CMIP: variants seen among roughly 807,000 people sequenced by gnomAD.
The protein encoded by CMIP is c-Maf inducing protein.
In CMIP, 13 loss-of-function variants were observed where a neutral mutation model predicts 97.3. That is an observed-to-expected ratio of 0.13 (90% CI 0.09 to 0.21). The LOEUF is 0.21. CMIP is among the 10% of genes least tolerant of loss of function. The pLI is 1.00. For missense variants in CMIP, 847 were observed against 1,024.9 expected (o/e 0.83, Z 2.37); for synonymous variants, 538 against 436.3 (o/e 1.23, Z -2.91).
intron 1 of CMIP, among the ~76,000 whole-genome samples, chr16:81,477,302 A>G (rs1907985739): frequency 6.6e-6 from 1 of 151,996 alleles, no homozygotes; most frequent in Admixed American, 6.6e-5. Flanking sequence ...TTACAAGCTT[A>G]CACCACCACA....
chr16:81,567,402 C>A (rs2091001880), intron 1 of CMIP, among the ~76,000 whole-genome samples: 2 of 152,234 alleles, frequency 1.3e-5, no homozygotes, highest in South Asian at 2.1e-4. Flanking sequence ...CTGGCCACAT[C>A]CTCACCTTCC....
intron 4 of CMIP, among the ~76,000 whole-genome samples, chr16:81,654,625 C>G (rs139134518): frequency 7.2e-4 from 110 of 152,338 alleles, no homozygotes; most frequent in African/African-American, 2.4e-3. Flanking sequence ...CTCATGCATG[C>G]TCTGCAGTGG....
Position 81,699,674 on chromosome 16 carries a change from T to C in CMIP, c.1639-11T>C. ...TCTCTGTCCCTTCACCTGGGCCTTC[T>C]TGCCTCACAGGTGCACATCCTCATG... On this transcript the variant is annotated splice_polypyrimidine_tract_variant and intron_variant, in intron 14 of 20. Transcript: ENST00000537098. 9.5e-6 allele frequency: 15 copies of C among 1,586,066 alleles called. No individual in the cohort carries two copies. The highest frequency in any genetic ancestry group is 1.3e-5 in the Non-Finnish European group (15 of 1,155,792).
At chr16:81,568,873 A>G (rs1345400495) in intron 1 of CMIP, among the ~76,000 whole-genome samples, 2 of 152,230 alleles carry the variant, frequency 1.3e-5, no homozygotes, top group Middle Eastern at 3.2e-3. Flanking sequence ...TTGAAGGGTT[A>G]AATGACCTTA....
intron 1 of CMIP, among the ~76,000 whole-genome samples, chr16:81,590,335 T>C (rs941350995): frequency 2.0e-5 from 3 of 152,212 alleles, no homozygotes; most frequent in African/African-American, 7.2e-5. Context: ...TCCCCAGCTT[T>C]CTTGACACTG....
chr16:81,598,605 C>T (rs1269615574), intron 1 of CMIP, among the ~76,000 whole-genome samples: 1 of 152,168 alleles, frequency 6.6e-6, no homozygotes, highest in East Asian at 1.9e-4. Flanking sequence ...CTCAAAGCCT[C>T]ATTACTTTTA....
At chr16:81,584,656 A>G (rs911328769) in intron 1 of CMIP, among the ~76,000 whole-genome samples, 1 of 152,164 alleles carries the variant, frequency 6.6e-6, no homozygotes, top group Non-Finnish European at 1.5e-5. Context: ...AGGAAGACTG[A>G]AGCTCATGGA....
At chr16:81,562,840 A>G (rs2090910199) in intron 1 of CMIP, among the ~76,000 whole-genome samples, 1 of 152,322 alleles carries the variant, frequency 6.6e-6, no homozygotes, top group South Asian at 2.1e-4. Flanking sequence ...TTACTTGCTC[A>G]AAGTCACACA....
intron 1 of CMIP, among the ~76,000 whole-genome samples, chr16:81,591,944 C>T (rs1168586251): frequency 6.6e-6 from 1 of 151,784 alleles, no homozygotes; most frequent in Non-Finnish European, 1.5e-5. Flanking sequence ...CTGCCTCAGC[C>T]TCCCAGGTAG....
At chr16:81,692,540 A>G (rs1353548303) in intron 11 of CMIP, among the ~76,000 whole-genome samples, 2 of 152,214 alleles carry the variant, frequency 1.3e-5, no homozygotes, top group Non-Finnish European at 2.9e-5. Flanking sequence ...GAAGGAGCCG[A>G]TTACCAAGCG....
At chr16:81,449,599 C>G (rs1056008762) in intron 1 of CMIP, among the ~76,000 whole-genome samples, 35 of 152,116 alleles carry the variant, frequency 2.3e-4, no homozygotes, top group Non-Finnish European at 2.6e-4. Context: ...TACATACCCC[C>G]CTTCCCCCCA....
At chr16:81,483,030 G>A (rs2089253170) in intron 1 of CMIP, among the ~76,000 whole-genome samples, 1 of 152,224 alleles carries the variant, frequency 6.6e-6, no homozygotes, top group Non-Finnish European at 1.5e-5. Flanking sequence ...CTGGAGGAGA[G>A]GAAAATGAAC....
chr16:81,531,640 A>AGCCTGGCAGTTCATAGGAACT (rs2090238083), intron 1 of CMIP, among the ~76,000 whole-genome samples: 1 of 152,226 alleles, frequency 6.6e-6, no homozygotes, highest in Non-Finnish European at 1.5e-5. Flanking sequence ...TCGAGGGGCA[A>AGCCTGGCAGTTCATAGGAACT]GCCTGGGCCT....
chr16:81,564,781 T>C (rs2090949735), intron 1 of CMIP, among the ~76,000 whole-genome samples: 1 of 152,180 alleles, frequency 6.6e-6, no homozygotes. Context: ...CAATAGGTGT[T>C]CGATGAATAT....
chr16:81,672,406 A>G (rs1197705492), intron 9 of CMIP, among the ~76,000 whole-genome samples: 1 of 152,144 alleles, frequency 6.6e-6, no homozygotes, highest in Non-Finnish European at 1.5e-5. Context: ...GCACATGGGT[A>G]TGCAAATGCA....
At chr16:81,457,645 A>T (rs773942408) in intron 1 of CMIP, among the ~76,000 whole-genome samples, 1 of 152,218 alleles carries the variant, frequency 6.6e-6, no homozygotes, top group African/African-American at 2.4e-5. Context: ...TGCTGTGTTC[A>T]TTCATTTAAT....
chr16:81,511,743 G>A (rs2089814244), intron 1 of CMIP, among the ~76,000 whole-genome samples: 1 of 152,054 alleles, frequency 6.6e-6, no homozygotes, highest in African/African-American at 2.4e-5. Context: ...TGTATGTTTT[G>A]TAGAGATGGC....
chr16:81,445,324 C>G lies in CMIP; in HGVS notation c.83C>G (p.Ser28Trp). The change falls in exon 1 of 21, where the codon TCG becomes TGG. Residue 28 changes from serine to tryptophan, a missense_variant. Ser to Trp is a radical substitution (Grantham distance 177). Around this residue, in one of 4 missense-constraint regions of CMIP, gnomAD observed 94 missense variants for 79.9 expected, o/e 1.18. Coordinates refer to ENST00000537098, the MANE Select transcript of CMIP (RefSeq NM_198390.3). The stretch of plus-strand genomic sequence containing the variant: ...AAGCCGCTGCTGGGGGGCGACGTGT[C>G]GGCCCCCGAAGGCACGAAGATGGGC... Reference protein sequence around the residue: ...ETKPLLGGDVSAPEGTKMGAV... With the variant: ...ETKPLLGGDVWAPEGTKMGAV... 2 of 1,584,506 alleles carry G rather than the reference C, an allele frequency of 1.3e-6. No homozygotes were observed. The highest frequency in any genetic ancestry group is 1.7e-6 in the Non-Finnish European group (2 of 1,166,712).
At chr16:81,580,420 CTTTTCTTTCTT>C (rs1184699332) in intron 1 of CMIP, among the ~76,000 whole-genome samples, 1 of 151,962 alleles carries the variant, frequency 6.6e-6, no homozygotes, top group Non-Finnish European at 1.5e-5. Context: ...TTTTCTTTCT[CTTTTCTTTCTT>C]TTTTTAATTT....
Sources: gnomAD v4.1 joint callset for allele counts (sites outside exome capture counted in the v4.1 genomes callset) on GRCh38, gnomAD v4.1.1 for gene constraint, gnomAD v4.1.1 regional missense constraint, MANE v1.5 for transcripts, NCBI Gene and HGNC (gene_info 2026-07-23, HGNC 2026-07-21) for gene names.